The following EPHB1 variants were observed in gnomAD, a reference collection of about 807,000 sequenced individuals.
The protein encoded by EPHB1 is ephrin type-B receptor 1.
A neutral mutation model predicts 94.4 loss-of-function variants in EPHB1; 30 were observed. That is an observed-to-expected ratio of 0.32 (90% CI 0.24 to 0.43). The LOEUF is 0.43. EPHB1 is among the 20% of genes least tolerant of loss of function. The probability of loss-of-function intolerance (pLI) is 1.00; values close to 1 mark genes in which losing one functional copy is unlikely to be tolerated. For synonymous variants in EPHB1, 522 were observed against 489.1 expected (o/e 1.07, Z -0.89); for missense variants, 1,055 against 1,308.3 (o/e 0.81, Z 2.99).
intron 3 of EPHB1, among the ~76,000 whole-genome samples, chr3:134,991,358 C>G (rs1218964480): frequency 6.6e-6 from 1 of 152,298 alleles, no homozygotes; most frequent in East Asian, 1.9e-4. Flanking sequence ...TCTTCTCTCT[C>G]TCTTAGACTT....
chr3:134,954,105 C>G (rs569222569), intron 3 of EPHB1, among the ~76,000 whole-genome samples: 3 of 152,192 alleles, frequency 2.0e-5, no homozygotes, highest in African/African-American at 7.2e-5. Flanking sequence ...TATTTCTGAG[C>G]GTGGAGAGTG....
intron 13 of EPHB1, among the ~76,000 whole-genome samples, chr3:135,247,503 G>A (rs1383210683): frequency 2.6e-5 from 4 of 152,274 alleles, no homozygotes; most frequent in South Asian, 4.2e-4. Context: ...AAAAAGCACA[G>A]TGTAGGCATA....
chr3:135,075,439 C>T (rs767357283), intron 3 of EPHB1, among the ~76,000 whole-genome samples: 2 of 152,288 alleles, frequency 1.3e-5, no homozygotes, highest in Non-Finnish European at 2.9e-5. Flanking sequence ...CCCATTTCCC[C>T]GTCTGTTTCA....
chr3:134,896,567 C>T (rs2038090854), intron 1 of EPHB1, among the ~76,000 whole-genome samples: 1 of 152,202 alleles, frequency 6.6e-6, no homozygotes, highest in South Asian at 2.1e-4. Flanking sequence ...GTGGAGTGAC[C>T]TGATGATTTC....
At chr3:135,090,980 A>G (rs1050019087) in intron 3 of EPHB1, among the ~76,000 whole-genome samples, 1 of 152,228 alleles carries the variant, frequency 6.6e-6, no homozygotes, top group Non-Finnish European at 1.5e-5. Flanking sequence ...GGTCACAGCA[A>G]AATTATTTTA....
intron 13 of EPHB1, among the ~76,000 whole-genome samples, chr3:135,244,083 T>C (rs1480447159): frequency 6.6e-6 from 1 of 152,144 alleles, no homozygotes; most frequent in Non-Finnish European, 1.5e-5. Context: ...CAGGAGGGGC[T>C]CTGCCCACTT....
intron 5 of EPHB1, among the ~76,000 whole-genome samples, chr3:135,135,556 C>A (rs1940592412): frequency 6.6e-6 from 1 of 152,158 alleles, no homozygotes; most frequent in Non-Finnish European, 1.5e-5. Context: ...GGTGGGTGGA[C>A]CCATGTGTTA....
intron 12 of EPHB1, among the ~76,000 whole-genome samples, chr3:135,204,417 G>A (rs557223205): frequency 1.3e-5 from 2 of 152,046 alleles, no homozygotes; most frequent in African/African-American, 4.8e-5. Context: ...TGTTGGCCAG[G>A]CTGGTCTCGA....
chr3:134,938,089 T>C (rs1227859861), intron 2 of EPHB1, among the ~76,000 whole-genome samples: 1 of 152,098 alleles, frequency 6.6e-6, no homozygotes, highest in African/African-American at 2.4e-5. Context: ...GTGTTTTAAA[T>C]CTCAACAGAG....
At chr3:135,017,441 T>A (rs1935839683) in intron 3 of EPHB1, among the ~76,000 whole-genome samples, 1 of 152,180 alleles carries the variant, frequency 6.6e-6, no homozygotes, top group Non-Finnish European at 1.5e-5. Context: ...AATCATTATT[T>A]CACTGGCAGC....
intron 3 of EPHB1, among the ~76,000 whole-genome samples, chr3:135,037,621 C>T (rs1391681808): frequency 6.6e-6 from 1 of 152,170 alleles, no homozygotes; most frequent in Non-Finnish European, 1.5e-5. Flanking sequence ...TCCCCACCGC[C>T]CATCAGTGAT....
chr3:135,078,761 G>A (rs1281871608), intron 3 of EPHB1, among the ~76,000 whole-genome samples: 1 of 152,194 alleles, frequency 6.6e-6, no homozygotes, highest in Non-Finnish European at 1.5e-5. Flanking sequence ...CAGTGACAAA[G>A]GAATCTCAAA....
chr3:135,241,535 C>G (rs1264696269), intron 13 of EPHB1, among the ~76,000 whole-genome samples: 2 of 152,206 alleles, frequency 1.3e-5, no homozygotes, highest in African/African-American at 4.8e-5. Flanking sequence ...GCCACAGTCT[C>G]CAACCCAAGA....
intron 1 of EPHB1, among the ~76,000 whole-genome samples, chr3:134,876,862 CCTT>C (rs532721553): frequency 1.3e-5 from 2 of 152,288 alleles, no homozygotes; most frequent in South Asian, 2.1e-4. Flanking sequence ...TTCTAGCAAA[CCTT>C]CTTTGACTGC....
chr3:134,932,853 A>G (rs555106361), intron 2 of EPHB1, among the ~76,000 whole-genome samples: 1 of 152,308 alleles, frequency 6.6e-6, no homozygotes, highest in Non-Finnish European at 1.5e-5. Flanking sequence ...ATTTCACCAC[A>G]TTTGAATTTC....
At chr3:135,097,165 TTTG>T (rs1221840621) in intron 3 of EPHB1, among the ~76,000 whole-genome samples, 3 of 125,388 alleles carry the variant, frequency 2.4e-5, no homozygotes, top group Non-Finnish European at 5.2e-5. Flanking sequence ...TTTTTTTTTC[TTTG>T]TTTTTTTTTT....
At chr3:135,180,682 T>G (rs1190276491) in intron 10 of EPHB1, among the ~76,000 whole-genome samples, 1 of 152,218 alleles carries the variant, frequency 6.6e-6, no homozygotes, top group African/African-American at 2.4e-5. Context: ...ATCTAGAATT[T>G]TCATCTTCCT....
At chr3:134,905,205 G>A (rs39707) in intron 1 of EPHB1, among the ~76,000 whole-genome samples, 151,539 of 152,324 alleles carry the variant, frequency 0.99, 75,380 homozygotes, top group East Asian at 1. Context: ...AAGATTGGAT[G>A]GACACTGGGG....
intron 12 of EPHB1, among the ~76,000 whole-genome samples, chr3:135,232,435 G>T (rs1331921643): frequency 6.6e-6 from 1 of 152,172 alleles, no homozygotes; most frequent in East Asian, 1.9e-4. Context: ...TCGCAAGCAG[G>T]TGCTATACCC....
Sources: allele counts gnomAD v4.1 joint callset (sites outside exome capture counted in the v4.1 genomes callset), GRCh38; gene constraint gnomAD v4.1.1; transcripts MANE v1.5; gene names NCBI Gene and HGNC (gene_info 2026-07-23, HGNC 2026-07-21).